HMCN1: variants seen among roughly 807,000 people sequenced by gnomAD.
HMCN1 encodes hemicentin-1.
Under a neutral mutation model 625.9 loss-of-function variants are expected in HMCN1, and 321 were observed. That is an observed-to-expected ratio of 0.51 (90% confidence interval 0.47 to 0.56). The LOEUF (loss-of-function observed/expected upper bound fraction) is 0.56, where lower values mean the gene tolerates loss of function less well. Ranked by LOEUF, HMCN1 falls within the 20% of genes least tolerant of loss-of-function variation. The probability of loss-of-function intolerance (pLI) is 0.00; values close to 1 mark genes in which losing one functional copy is unlikely to be tolerated. For synonymous variants in HMCN1, 2,425 were observed against 2,417.6 expected, an observed-to-expected ratio of 1.00 and a Z score of -0.09; for missense variants, 6,588 against 6,887.3, an observed-to-expected ratio of 0.96 and a Z score of 1.54.
At chr1:185,942,116 G>T (rs770605202) in intron 11 of HMCN1, among the ~76,000 whole-genome samples, 3 of 151,018 alleles carry the variant, frequency 2.0e-5, no homozygotes, top group Non-Finnish European at 4.4e-5. Context: ...ACTTACACCC[G>T]GGAGGCGGAG....
At chr1:185,772,673 CT>C (rs1656326424) in intron 1 of HMCN1, among the ~76,000 whole-genome samples, 1 of 152,028 alleles carries the variant, frequency 6.6e-6, no homozygotes, top group Non-Finnish European at 1.5e-5. Context: ...TATTTCTTAC[CT>C]TCTCTATTAA....
chr1:186,141,576 A>G (rs745928321), intron 89 of HMCN1, among the ~76,000 whole-genome samples: 36 of 152,162 alleles, frequency 2.4e-4, no homozygotes, highest in Non-Finnish European at 5.1e-4. Flanking sequence ...AAATACATAT[A>G]TAGCTACAGA....
In HMCN1 at chr1:186,145,582, C is replaced by T; in HGVS notation, c.14437+9C>T. On this transcript the variant is annotated intron_variant, in intron 92 of 106. Coordinates refer to ENST00000271588, the MANE Select transcript of HMCN1 (RefSeq NM_031935.3). ...CACTGACATGTGTCCTGGTGAGCCT[C>T]TTGATTTCTGGCAGTTGAATAAGTA... 1.2e-6 allele frequency: 2 copies of T among 1,613,728 alleles called. No homozygotes were observed. The highest frequency in any genetic ancestry group is 1.7e-4 in the Middle Eastern group (1 of 6,058).
At chr1:186,069,247 A>G (rs993199705) in intron 50 of HMCN1, among the ~76,000 whole-genome samples, 1 of 152,208 alleles carries the variant, frequency 6.6e-6, no homozygotes, top group African/African-American at 2.4e-5. Context: ...TCAATTGAGA[A>G]CGATTGAAGA....
intron 81 of HMCN1, 38 bp from the exon 82 acceptor site, chr1:186,125,566 T>A: frequency 6.6e-7 from 1 of 1,508,352 alleles, no homozygotes; most frequent in Non-Finnish European, 9.2e-7. Flanking sequence ...ATTATTGAAC[T>A]CAGCTTCCTG....
In HMCN1 at chr1:185,962,526, A is replaced by G. The variant is rs376173618; in HGVS notation, c.1837A>G (p.Lys613Glu). The G allele has an allele frequency of 6.2e-6, 10 of 1,613,220 alleles. No individual in the cohort carries two copies. Among genetic ancestry groups the G allele is most frequent in the African/African-American group, 5.3e-5 (4 of 74,896 alleles). The change falls in exon 12 of 107, where the codon AAA (lysine) becomes GAA (glutamate). Residue 613 changes from lysine to glutamate, a missense_variant. By Grantham distance (56) the Lys-to-Glu change is moderately conservative (BLOSUM62 1). This residue lies in a region of HMCN1 where 4,628 missense variants were observed against 4,853.1 expected (regional missense o/e 0.95). Transcript: ENST00000271588. ...TATATTTTTATTTGCAGAACCACCC[A>G]AAGTCACTGTGATGCCCAAGAATCA... ...SVFLTVQEPP[K>E]VTVMPKNQSF...
At position 186,016,238 on chromosome 1, in the gene HMCN1, G is replaced by A. The variant is rs140707354; in HGVS notation, c.5190G>A (p.Leu1730=). The A allele has an allele frequency of 6.2e-7, 1 of 1,611,254 alleles. No homozygotes were observed. The highest frequency in any genetic ancestry group is 1.3e-5 in the African/African-American group (1 of 74,824). The change falls in exon 32 of 107, where the codon TTG becomes TTA. Residue 1730 remains leucine, a splice_region_variant and synonymous_variant. Transcript: ENST00000271588. ...EKEIKYEVDV[L]VPPAIEGGDE... ...AAATCAAATATGAAGTTGATGTCTT[G>A]GGTAAATAAGGATGCCACTGCCTGG...
At chr1:185,807,110 A>AAGC (rs1339161498) in intron 1 of HMCN1, among the ~76,000 whole-genome samples, 1 of 152,230 alleles carries the variant, frequency 6.6e-6, no homozygotes, top group Admixed American at 6.5e-5. Context: ...AATATAAAAA[A>AAGC]AGCAGTTTTC....
At chr1:186,102,287 T>C (rs1660417515) in intron 68 of HMCN1, among the ~76,000 whole-genome samples, 1 of 152,102 alleles carries the variant, frequency 6.6e-6, no homozygotes, top group South Asian at 2.1e-4. Flanking sequence ...GGTGTAGAAA[T>C]GCTGACTTCA....
chr1:185,804,416 T>C (rs1222922413), intron 1 of HMCN1, among the ~76,000 whole-genome samples: 3 of 152,062 alleles, frequency 2.0e-5, no homozygotes, highest in Non-Finnish European at 2.9e-5. Flanking sequence ...TAACTAGATC[T>C]TTTTCTTCTA....
intron 4 of HMCN1, among the ~76,000 whole-genome samples, chr1:185,887,846 T>C (rs1369778374): frequency 1.4e-5 from 2 of 140,902 alleles, no homozygotes; most frequent in Non-Finnish European, 3.2e-5. Context: ...CTGGGTCAAA[T>C]GGTATTTCCA....
chr1:185,761,124 A>G (rs1327696805), intron 1 of HMCN1, among the ~76,000 whole-genome samples: 2 of 152,132 alleles, frequency 1.3e-5, no homozygotes, highest in Non-Finnish European at 2.9e-5. Flanking sequence ...GGGAAGGGGC[A>G]GAGGTGTAGT....
intron 82 of HMCN1, 31 bp from the exon 83 acceptor site, chr1:186,128,047 A>T (rs1371980874): frequency 6.3e-7 from 1 of 1,589,090 alleles, no homozygotes; most frequent in East Asian, 2.2e-5. Flanking sequence ...GATGATTATG[A>T]AATTTTAAAT....
chr1:185,841,822 G>A (rs1441787807), intron 1 of HMCN1, among the ~76,000 whole-genome samples: 1 of 152,126 alleles, frequency 6.6e-6, no homozygotes, highest in African/African-American at 2.4e-5. Flanking sequence ...ACCCTATGAG[G>A]TGGTTATAAG....
At chr1:185,978,464 C>A (rs1049265664) in intron 16 of HMCN1, among the ~76,000 whole-genome samples, 1 of 152,096 alleles carries the variant, frequency 6.6e-6, no homozygotes, top group Admixed American at 6.6e-5. Context: ...AAGTCAAATA[C>A]TTTCTTATCT....
chr1:185,831,446 G>A (rs1660856368), intron 1 of HMCN1, among the ~76,000 whole-genome samples: 1 of 152,088 alleles, frequency 6.6e-6, no homozygotes, highest in Non-Finnish European at 1.5e-5. Flanking sequence ...ATCATCCTTA[G>A]CGGGGAAACA....
At chr1:186,151,077 A>G in intron 93 of HMCN1, 123 bp from the exon 94 acceptor site, 2 of 903,120 alleles carry the variant, frequency 2.2e-6, no homozygotes, top group African/African-American at 3.3e-5. Context: ...TTCAGATGTC[A>G]TATGACCTTT....
Position 186,043,404 on chromosome 1 carries a change from T to G in HMCN1, c.6304+2268T>G, listed in dbSNP as rs1233722067. Reference sequence around the variant, plus strand: ...ATAATTAGATTTGCTTCAATTTTTGTCCCTTAAACAAATACTCCATTGTTT... The same window carrying G: ...ATAATTAGATTTGCTTCAATTTTTGGCCCTTAAACAAATACTCCATTGTTT... On this transcript the variant is annotated intron_variant, in intron 40 of 106. Transcript: ENST00000271588. Among the ~76,000 whole-genome samples the G allele has an allele frequency of 2.0e-5, 3 of 152,186 alleles. No homozygotes were observed. The East Asian group carries it at 5.8e-4, about 29-fold the overall frequency.
chr1:186,108,402 AT>A, intron 70 of HMCN1, 58 bp from the exon 71 acceptor site: 1 of 1,613,304 alleles, frequency 6.2e-7, no homozygotes, highest in East Asian at 2.2e-5. Flanking sequence ...CAGAACCAAC[AT>A]TTTTTGGATA....
Sources: gnomAD v4.1 joint callset for allele counts (sites outside exome capture counted in the v4.1 genomes callset) on GRCh38, gnomAD v4.1.1 for gene constraint, gnomAD v4.1.1 regional missense constraint, MANE v1.5 for transcripts, NCBI Gene and HGNC (gene_info 2026-07-23, HGNC 2026-07-21) for gene names.